The following LRP1B variants were observed in gnomAD, a reference collection of about 807,000 sequenced individuals.
LRP1B encodes the protein low-density lipoprotein receptor-related protein 1B.
LRP1B carries 217 observed loss-of-function variants against 556.6 expected under a neutral mutation model. That is an observed-to-expected ratio of 0.39 (90% CI 0.35 to 0.44). LRP1B has a LOEUF of 0.44. LRP1B is among the 20% of genes least tolerant of loss of function. The probability of loss-of-function intolerance (pLI) is 1.00; values close to 1 mark genes in which losing one functional copy is unlikely to be tolerated. For missense variants in LRP1B, 5,053 were observed against 5,620.8 expected, an observed-to-expected ratio of 0.90 and a Z score of 3.23; for synonymous variants, 2,047 against 1,865.8, an observed-to-expected ratio of 1.10 and a Z score of -2.50.
At chr2:140,310,984 T>C (rs1325660146) in intron 83 of LRP1B, among the ~76,000 whole-genome samples, 1 of 151,794 alleles carries the variant, frequency 6.6e-6, no homozygotes, top group East Asian at 1.9e-4. Flanking sequence ...TGAAATGCCA[T>C]CTTACATCAG....
At chr2:141,789,226 A>AG (rs1192025816) in intron 2 of LRP1B, among the ~76,000 whole-genome samples, 1 of 151,948 alleles carries the variant, frequency 6.6e-6, no homozygotes, top group Non-Finnish European at 1.5e-5. Context: ...GTTTTATAGG[A>AG]GGGGGGTGTC....
intron 3 of LRP1B, among the ~76,000 whole-genome samples, chr2:141,382,594 G>T (rs922490856): frequency 2.0e-5 from 3 of 152,200 alleles, no homozygotes; most frequent in African/African-American, 7.2e-5. Context: ...AACAAGATAG[G>T]TTTGCTGGCC....
intron 3 of LRP1B, among the ~76,000 whole-genome samples, chr2:141,256,568 C>T (rs1019471507): frequency 5.9e-5 from 9 of 151,922 alleles, no homozygotes; most frequent in African/African-American, 2.2e-4. Flanking sequence ...GGAAGAAAAG[C>T]TATCTAAGTG....
intron 2 of LRP1B, among the ~76,000 whole-genome samples, chr2:141,795,856 C>CAAAAAA (rs1342510905): frequency 5.3e-4 from 10 of 18,988 alleles, no homozygotes; most frequent in Admixed American, 5.3e-3. Context: ...AAACCAGGAG[C>CAAAAAA]AATATATATA....
intron 2 of LRP1B, among the ~76,000 whole-genome samples, chr2:141,602,746 T>C (rs1687793123): frequency 6.6e-6 from 1 of 152,148 alleles, no homozygotes; most frequent in South Asian, 2.1e-4. Flanking sequence ...CCTAAACCTA[T>C]AAATAGTCCC....
intron 1 of LRP1B, among the ~76,000 whole-genome samples, chr2:142,020,605 T>A (rs1022490271): frequency 6.6e-6 from 1 of 152,200 alleles, no homozygotes; most frequent in African/African-American, 2.4e-5. Context: ...CACTTACTGG[T>A]TAAACTTTAA....
chr2:141,650,236 C>G (rs1689734819), intron 2 of LRP1B, among the ~76,000 whole-genome samples: 2 of 152,124 alleles, frequency 1.3e-5, no homozygotes. Flanking sequence ...ATAACCCTGT[C>G]CCTTTCACTC....
chr2:141,291,965 C>T (rs1372804227), intron 3 of LRP1B, among the ~76,000 whole-genome samples: 1 of 151,468 alleles, frequency 6.6e-6, no homozygotes, highest in Non-Finnish European at 1.5e-5. Flanking sequence ...TGTATATCCC[C>T]TATACCAGGG....
chr2:141,519,446 C>T (rs1435521587), intron 2 of LRP1B, among the ~76,000 whole-genome samples: 1 of 143,112 alleles, frequency 7.0e-6, no homozygotes, highest in Non-Finnish European at 1.5e-5. Flanking sequence ...CAAAGCTTGC[C>T]TACTTCTAAC....
rs767616402 is a variant in LRP1B, at chr2:140,702,219, C to T, written c.6224G>A (p.Arg2075His). 2 of 1,613,750 alleles carry T rather than the reference C, an allele frequency of 1.2e-6. No homozygotes were observed. The highest frequency in any genetic ancestry group is 2.2e-5 in the East Asian group (1 of 44,872). Reference protein sequence around the residue: ...ERIDLETGGNREMVLSGSNVD... With the variant: ...ERIDLETGGNHEMVLSGSNVD... ...ATTGCTTCCTGACAGCACCATCTCG[C>T]GATTCCCTCCAGTCTCAAGGTCGAT... Residue 2075 changes from arginine to histidine, a missense_variant, in exon 39 of 91, where the codon CGC becomes CAC. By Grantham distance (29) the Arg-to-His change is conservative (BLOSUM62 0). Around this residue, in one of 5 missense-constraint regions of LRP1B, gnomAD observed 3,619 missense variants for 3,931.9 expected, o/e 0.92. Coordinates refer to ENST00000389484, the MANE Select transcript of LRP1B (RefSeq NM_018557.3).
intron 49 of LRP1B, among the ~76,000 whole-genome samples, chr2:140,519,730 T>C (rs1690074658): frequency 6.6e-6 from 1 of 152,010 alleles, no homozygotes; most frequent in African/African-American, 2.4e-5. Flanking sequence ...AGGGCTAATA[T>C]CCAGAATCTA....
chr2:141,864,125 TA>T (rs531539222), intron 1 of LRP1B, among the ~76,000 whole-genome samples: 1 of 152,104 alleles, frequency 6.6e-6, no homozygotes, highest in African/African-American at 2.4e-5. Flanking sequence ...CAATACAGCA[TA>T]AAAAAAATCT....
At chr2:141,589,183 A>G (rs1039733284) in intron 2 of LRP1B, among the ~76,000 whole-genome samples, 45 of 152,188 alleles carry the variant, frequency 3.0e-4, no homozygotes, top group Admixed American at 1.3e-4. Context: ...CATAACAGCT[A>G]AAGTTTAACC....
At chr2:141,587,861 A>G (rs1687197839) in intron 2 of LRP1B, among the ~76,000 whole-genome samples, 1 of 152,228 alleles carries the variant, frequency 6.6e-6, no homozygotes, top group South Asian at 2.1e-4. Flanking sequence ...TAACATTACT[A>G]TTATAAACTA....
chr2:141,058,450 A>T (rs1006128108), intron 9 of LRP1B, among the ~76,000 whole-genome samples: 10 of 151,852 alleles, frequency 6.6e-5, no homozygotes, highest in African/African-American at 2.4e-4. Context: ...TTACTTTTTA[A>T]TGAATATGTG....
Position 141,866,968 on chromosome 2 carries a change from T to C in LRP1B, c.83-56567A>G, listed in dbSNP as rs555214930. On this transcript the variant is annotated intron_variant, in intron 1 of 90. Transcript: ENST00000389484. ...AGAGTTTTTGCCATGTCAGTATCTG[T>C]GGAGTGGATGACGTATCTGGAAGTA... is the stretch of plus-strand genomic sequence containing the variant. 2.6e-5 allele frequency among the ~76,000 whole-genome samples: 4 copies of C among 152,202 alleles called. No homozygotes were observed. The South Asian group carries it at 8.3e-4, about 32-fold the overall frequency.
At chr2:141,733,064 G>A (rs1693336330) in intron 2 of LRP1B, among the ~76,000 whole-genome samples, 1 of 151,994 alleles carries the variant, frequency 6.6e-6, no homozygotes, top group South Asian at 2.1e-4. Context: ...CTAGCCAAGG[G>A]CTTTAAGTAT....
At chr2:141,333,869 G>T (rs985057265) in intron 3 of LRP1B, among the ~76,000 whole-genome samples, 3 of 152,100 alleles carry the variant, frequency 2.0e-5, no homozygotes, top group Non-Finnish European at 2.9e-5. Flanking sequence ...CTCAGAGTGT[G>T]CATATGTGTA....
At chr2:141,285,945 T>C (rs1240178238) in intron 3 of LRP1B, among the ~76,000 whole-genome samples, 2 of 147,442 alleles carry the variant, frequency 1.4e-5, no homozygotes, top group African/African-American at 4.9e-5. Flanking sequence ...CGGGCGCCTG[T>C]AGTCCCAGCT....
Sources: allele counts gnomAD v4.1 joint callset (sites outside exome capture counted in the v4.1 genomes callset), GRCh38; gene constraint gnomAD v4.1.1; regional missense constraint gnomAD v4.1.1; transcripts MANE v1.5; gene names NCBI Gene and HGNC (gene_info 2026-07-23, HGNC 2026-07-21).